Variants in RXFP2 observed in about 807,000 individuals in gnomAD.
The protein encoded by RXFP2 is relaxin receptor 2.
In RXFP2, 68 loss-of-function variants were observed where a neutral mutation model predicts 88.6. The observed-to-expected ratio is 0.77, with a 90% CI of 0.63 to 0.94. The LOEUF is 0.94. Among genes scored for constraint, RXFP2 ranks in the 40% least tolerant of loss-of-function variants. The pLI is 0.00. For synonymous variants in RXFP2, 329 were observed against 306.8 expected (o/e 1.07, Z -0.76); for missense variants, 791 against 893.9 (o/e 0.88, Z 1.47).
chr13:31,767,343 T>C (rs1872587660), intron 5 of RXFP2, among the ~76,000 whole-genome samples: 1 of 152,220 alleles, frequency 6.6e-6, no homozygotes, highest in South Asian at 2.1e-4. Flanking sequence ...TATGTGGTCA[T>C]GTCATTGCCA....
In RXFP2 at chr13:31,746,157, A is replaced by G. The variant is rs117791444; in HGVS notation, c.94+6451A>G. Reference sequence around the variant, plus strand: ...CAGCCCCTGATGATTCAATAGGTCTATGGTGGGTCATGGGCTCTGCACATT... The same window carrying G: ...CAGCCCCTGATGATTCAATAGGTCTGTGGTGGGTCATGGGCTCTGCACATT... On this transcript the variant is annotated intron_variant, in intron 1 of 17. Coordinates refer to ENST00000298386, the MANE Select transcript of RXFP2 (RefSeq NM_130806.5). Among the ~76,000 whole-genome samples the G allele has an allele frequency of 5.7e-3, 872 of 152,334 alleles. 18 individuals carry two copies. The highest frequency in any genetic ancestry group is 0.038 in the Admixed American group (589 of 15,308).
intron 11 of RXFP2, among the ~76,000 whole-genome samples, 154 bp from the exon 12 acceptor site, chr13:31,786,229 C>T (rs540315647): frequency 2.6e-4 from 40 of 152,280 alleles, no homozygotes; most frequent in African/African-American, 9.4e-4. Flanking sequence ...ATTTGGCTGA[C>T]TCATACGGCC....
At chr13:31,750,227 T>C (rs576921757) in intron 1 of RXFP2, among the ~76,000 whole-genome samples, 10 of 152,140 alleles carry the variant, frequency 6.6e-5, no homozygotes, top group Non-Finnish European at 1.5e-4. Context: ...TCCTGACTAT[T>C]GCGTCAGGAA....
At chr13:31,771,946 A>G (rs1166660320) in intron 5 of RXFP2, among the ~76,000 whole-genome samples, 1 of 146,312 alleles carries the variant, frequency 6.8e-6, no homozygotes, top group Admixed American at 6.9e-5. Flanking sequence ...TCATTTAGGC[A>G]TCCAAAAAAA....
At chr13:31,758,083 TAAAAATA>T (rs1030108759) in intron 1 of RXFP2, among the ~76,000 whole-genome samples, 168 bp from the exon 2 acceptor site, 39 of 152,202 alleles carry the variant, frequency 2.6e-4, no homozygotes, top group African/African-American at 7.2e-4. Flanking sequence ...AGACTCCGTC[TAAAAATA>T]AAAAATAAAA....
intron 11 of RXFP2, among the ~76,000 whole-genome samples, chr13:31,784,260 C>T (rs1280494333): frequency 2.0e-5 from 3 of 152,072 alleles, no homozygotes; most frequent in Non-Finnish European, 4.4e-5. Context: ...TAAGAGATGC[C>T]AGCTTGCTAT....
intron 3 of RXFP2, among the ~76,000 whole-genome samples, chr13:31,764,790 G>A (rs759255592): frequency 6.6e-6 from 1 of 152,072 alleles, no homozygotes; most frequent in African/African-American, 2.4e-5. Flanking sequence ...CATTTTGTGC[G>A]TTTTTTCCAA....
At chr13:31,742,262 A>C (rs1447669368) in intron 1 of RXFP2, among the ~76,000 whole-genome samples, 1 of 152,166 alleles carries the variant, frequency 6.6e-6, no homozygotes, top group Non-Finnish European at 1.5e-5. Context: ...CCGGGCCCGA[A>C]CAGTATTTTG....
At chr13:31,758,466 T>C in intron 2 of RXFP2, 62 bp downstream of exon 2, 1 of 1,582,058 alleles carries the variant, frequency 6.3e-7, no homozygotes, top group Non-Finnish European at 8.7e-7. Flanking sequence ...AAACTGTGGG[T>C]CGGTTGGATA....
At position 31,802,739 on chromosome 13, in the gene RXFP2, C is replaced by T. The variant is rs1874417529; in HGVS notation, c.*334C>T. 6.5e-6 allele frequency: 2 copies of T among 308,518 alleles called. No individual in the cohort carries two copies. Among genetic ancestry groups the T allele is most frequent in the African/African-American group, 2.1e-5 (1 of 46,814 alleles). 19.1% of individuals were successfully genotyped at this position (308,518 alleles called of 1,614,324 possible). On this transcript the variant is annotated 3_prime_UTR_variant, in exon 18 of 18. Coordinates refer to ENST00000298386, the MANE Select transcript of RXFP2 (RefSeq NM_130806.5). ...GTTGGCACTGTGTGGTCTTTCACAT[C>T]GGGTTGCACTGTCCATGAAATAGAA...
At chr13:31,745,236 AT>A (rs1354479078) in intron 1 of RXFP2, among the ~76,000 whole-genome samples, 1 of 151,656 alleles carries the variant, frequency 6.6e-6, no homozygotes, top group Non-Finnish European at 1.5e-5. Context: ...AGCCCTGGAC[AT>A]TTTCATAAAG....
intron 1 of RXFP2, among the ~76,000 whole-genome samples, chr13:31,740,957 A>G (rs2138375704): frequency 6.6e-6 from 1 of 152,176 alleles, no homozygotes; most frequent in South Asian, 2.1e-4. Context: ...AAGAATATAC[A>G]GCTACAAAGC....
At chr13:31,771,641 C>T (rs994621632) in intron 5 of RXFP2, among the ~76,000 whole-genome samples, 7 of 151,730 alleles carry the variant, frequency 4.6e-5, no homozygotes, top group African/African-American at 1.7e-4. Context: ...ACAACAAAAA[C>T]ATTAGCTGGG....
chr13:31,795,937 T>A (rs933556575), intron 16 of RXFP2, among the ~76,000 whole-genome samples: 11 of 151,804 alleles, frequency 7.2e-5, no homozygotes, highest in African/African-American at 9.7e-5. Context: ...TTCTTTTTTT[T>A]AATAAAATTA....
At chr13:31,771,925 T>C (rs1371912758) in intron 5 of RXFP2, among the ~76,000 whole-genome samples, 1 of 151,918 alleles carries the variant, frequency 6.6e-6, no homozygotes, top group Non-Finnish European at 1.5e-5. Flanking sequence ...ATATTCACAG[T>C]GGAGTTGAGA....
At chr13:31,753,382 T>A (rs1871763318) in intron 1 of RXFP2, among the ~76,000 whole-genome samples, 3 of 152,128 alleles carry the variant, frequency 2.0e-5, no homozygotes, top group African/African-American at 4.8e-5. Context: ...GTCCAGAATA[T>A]TGACCAGAAG....
intron 1 of RXFP2, among the ~76,000 whole-genome samples, chr13:31,752,784 C>T (rs897368403): frequency 4.6e-5 from 7 of 152,198 alleles, no homozygotes; most frequent in Admixed American, 6.5e-5. Flanking sequence ...CCGCCCGGGA[C>T]AGTGCTGCTG....
intron 11 of RXFP2, among the ~76,000 whole-genome samples, chr13:31,783,070 G>GTTAA (rs1873363891): frequency 6.6e-6 from 1 of 152,176 alleles, no homozygotes; most frequent in African/African-American, 2.4e-5. Context: ...CTGGAGTATA[G>GTTAA]TTAATTCCCA....
chr13:31,793,091 A>G lies in RXFP2; in HGVS notation c.1786+3A>G. ...GTATTCTCTTGGAATTTTCCTAGGT[A>G]AATTATATTTTTTCATTTCCTGGAA... On this transcript the variant is annotated splice_donor_region_variant and intron_variant, in intron 16 of 17. Coordinates refer to ENST00000298386, the MANE Select transcript of RXFP2 (RefSeq NM_130806.5). 1 of 1,604,930 alleles carries G rather than the reference A, an allele frequency of 6.2e-7. No homozygotes were observed. The highest frequency in any genetic ancestry group is 8.5e-7 in the Non-Finnish European group (1 of 1,172,876).
Sources: gnomAD v4.1 joint callset for allele counts (sites outside exome capture counted in the v4.1 genomes callset) on GRCh38, gnomAD v4.1.1 for gene constraint, MANE v1.5 for transcripts, NCBI Gene and HGNC (gene_info 2026-07-23, HGNC 2026-07-21) for gene names.